RSRC1: variants seen among roughly 807,000 people sequenced by gnomAD.
The protein encoded by RSRC1 is serine/Arginine-related protein 53.
A neutral mutation model predicts 49.1 loss-of-function variants in RSRC1; 39 were observed. That is an observed-to-expected ratio of 0.79 (90% CI 0.61 to 1.04). RSRC1 has a LOEUF of 1.04. Ranked by LOEUF, RSRC1 falls within the 50% of genes least tolerant of loss-of-function variation. The pLI, the probability that RSRC1 is intolerant of heterozygous loss-of-function variation, is 0.00. For synonymous variants in RSRC1, 143 were observed against 130.8 expected (o/e 1.09, Z -0.63); for missense variants, 388 against 402.4 (o/e 0.96, Z 0.31).
chr3:158,116,226 CTT>C (rs1189761482), intron 1 of RSRC1, among the ~76,000 whole-genome samples: 1 of 152,148 alleles, frequency 6.6e-6, no homozygotes, highest in Non-Finnish European at 1.5e-5. Context: ...AATGAATACT[CTT>C]TTCCTTGAAA....
chr3:158,532,643 T>A (rs980288397), intron 7 of RSRC1, among the ~76,000 whole-genome samples: 1 of 151,856 alleles, frequency 6.6e-6, no homozygotes, highest in Admixed American at 6.6e-5. Flanking sequence ...TTGATTATTG[T>A]GGTCTGTAAT....
Position 158,176,091 on chromosome 3 carries a change from C to T in RSRC1, c.321-26981C>T, listed in dbSNP as rs142338264. Among the ~76,000 whole-genome samples, 13 of 152,260 alleles carry T rather than the reference C, an allele frequency of 8.5e-5. No homozygotes were observed. In the East Asian group the frequency reaches 2.3e-3, roughly 27 times the overall value. On this transcript the variant is annotated intron_variant, in intron 3 of 9. Transcript: ENST00000611884. ...ATAAAATACCTAGGAATCCAACTTA[C>T]AAGGGATGTGAAGGACCTCTTCAAG... is the stretch of plus-strand genomic sequence containing the variant.
At chr3:158,524,271 T>A (rs1391362754) in intron 7 of RSRC1, among the ~76,000 whole-genome samples, 2 of 152,092 alleles carry the variant, frequency 1.3e-5, no homozygotes, top group Non-Finnish European at 2.9e-5. Context: ...GTGTTGTTAA[T>A]TATCAGTCCT....
intron 6 of RSRC1, among the ~76,000 whole-genome samples, chr3:158,360,177 T>A (rs1731389897): frequency 6.6e-6 from 1 of 152,042 alleles, no homozygotes; most frequent in Non-Finnish European, 1.5e-5. Context: ...GTGGCTCCTC[T>A]CTGTAGGCAG....
chr3:158,118,041 T>A (rs1714958988), intron 1 of RSRC1, among the ~76,000 whole-genome samples: 1 of 152,024 alleles, frequency 6.6e-6, no homozygotes, highest in South Asian at 2.1e-4. Context: ...CCTCGCCCAC[T>A]TGGGCTCCGG....
chr3:158,451,364 T>TATA lies in RSRC1; in HGVS notation c.584-9570_584-9568dup, dbSNP rs562353112. 3.6e-3 allele frequency among the ~76,000 whole-genome samples: 542 copies of TATA among 152,180 alleles called. 1 individual carries two copies. The highest frequency in any genetic ancestry group is 0.012 in the African/African-American group (508 of 41,564). Reference sequence around the variant, plus strand: ...GAGGAGCTGATATTATAACTATTATTATATAGTCTTTAAATATACACAAAC... The same window carrying TATA: ...GAGGAGCTGATATTATAACTATTATTATAATATAGTCTTTAAATATACACAAAC... On this transcript the variant is annotated intron_variant, in intron 6 of 9. Coordinates refer to ENST00000611884, the MANE Select transcript of RSRC1 (RefSeq NM_001271838.2).
chr3:158,438,062 T>G (rs1736149180), intron 6 of RSRC1, among the ~76,000 whole-genome samples: 2 of 152,100 alleles, frequency 1.3e-5, no homozygotes, highest in South Asian at 4.1e-4. Flanking sequence ...TGAACTCCCA[T>G]TCACAATTGC....
intron 7 of RSRC1, among the ~76,000 whole-genome samples, chr3:158,510,694 T>C (rs781385612): frequency 6.6e-6 from 1 of 152,218 alleles, no homozygotes; most frequent in Non-Finnish European, 1.5e-5. Context: ...AAATGTACAA[T>C]TAAGTTATTG....
chr3:158,442,236 A>C (rs1481342569), intron 6 of RSRC1, among the ~76,000 whole-genome samples: 1 of 151,712 alleles, frequency 6.6e-6, no homozygotes, highest in Non-Finnish European at 1.5e-5. Context: ...GCAATGATTG[A>C]CTCTTTCATA....
chr3:158,484,130 C>T (rs895549926), intron 7 of RSRC1, among the ~76,000 whole-genome samples: 2 of 152,040 alleles, frequency 1.3e-5, no homozygotes, highest in African/African-American at 4.8e-5. Context: ...TGTTTCCCCT[C>T]GGTTTAGTAC....
chr3:158,359,034 C>G (rs535237460), intron 6 of RSRC1, among the ~76,000 whole-genome samples: 1 of 151,576 alleles, frequency 6.6e-6, no homozygotes, highest in East Asian at 1.9e-4. Context: ...TGTATATGTA[C>G]TTGTTTGAGT....
At chr3:158,282,116 A>C (rs941156362) in intron 4 of RSRC1, among the ~76,000 whole-genome samples, 2 of 152,194 alleles carry the variant, frequency 1.3e-5, no homozygotes, top group Non-Finnish European at 2.9e-5. Context: ...TGTGCTTATC[A>C]AAGAGCTTCA....
chr3:158,440,602 G>A (rs961204007), intron 6 of RSRC1, among the ~76,000 whole-genome samples: 1 of 151,920 alleles, frequency 6.6e-6, no homozygotes, highest in Non-Finnish European at 1.5e-5. Context: ...ATGCACGTGT[G>A]CACACACACA....
intron 8 of RSRC1, among the ~76,000 whole-genome samples, chr3:158,542,181 T>C (rs540996781): frequency 6.6e-6 from 1 of 152,320 alleles, no homozygotes; most frequent in East Asian, 1.9e-4. Flanking sequence ...TGGGACATTA[T>C]TTAGCAATAA....
At chr3:158,424,177 C>T (rs1735262521) in intron 6 of RSRC1, among the ~76,000 whole-genome samples, 1 of 152,072 alleles carries the variant, frequency 6.6e-6, no homozygotes, top group Non-Finnish European at 1.5e-5. Context: ...GGGAATGCTT[C>T]CAGTTTTTGC....
intron 5 of RSRC1, among the ~76,000 whole-genome samples, chr3:158,318,221 A>G (rs1462170508): frequency 6.6e-6 from 1 of 152,070 alleles, no homozygotes; most frequent in African/African-American, 2.4e-5. Context: ...CCAGGTAGAA[A>G]GATGTTCTCC....
chr3:158,163,787 T>C (rs936158907), intron 3 of RSRC1, among the ~76,000 whole-genome samples: 11 of 150,826 alleles, frequency 7.3e-5, no homozygotes, highest in African/African-American at 2.7e-4. Flanking sequence ...TTAGCAAGAG[T>C]GTTGTACTTT....
chr3:158,385,479 G>A (rs1008073493), intron 6 of RSRC1, among the ~76,000 whole-genome samples: 2 of 152,154 alleles, frequency 1.3e-5, no homozygotes, highest in African/African-American at 4.8e-5. Flanking sequence ...TTTGGTAGCA[G>A]TGAAGTGCAC....
chr3:158,327,428 T>C (rs1220618830), intron 5 of RSRC1, among the ~76,000 whole-genome samples: 1 of 152,240 alleles, frequency 6.6e-6, no homozygotes, highest in East Asian at 1.9e-4. Context: ...TCTGGTATGT[T>C]GTGTCTTTGT....
Sources: gnomAD v4.1 joint callset for allele counts (sites outside exome capture counted in the v4.1 genomes callset) on GRCh38, gnomAD v4.1.1 for gene constraint, MANE v1.5 for transcripts, NCBI Gene and HGNC (gene_info 2026-07-23, HGNC 2026-07-21) for gene names.